The following HDAC9 variants were observed in gnomAD, a reference collection of about 807,000 sequenced individuals.
The protein encoded by HDAC9 is MEF-2 interacting transcription repressor (MITR) protein.
In HDAC9, 41 loss-of-function variants were observed where a neutral mutation model predicts 139.4. That is an observed-to-expected ratio of 0.29 (90% confidence interval 0.23 to 0.38). The LOEUF (loss-of-function observed/expected upper bound fraction) is 0.38, where lower values mean the gene tolerates loss of function less well. Among genes scored for constraint, HDAC9 ranks in the 10% least tolerant of loss-of-function variants. HDAC9 has a pLI of 1.00. For missense variants in HDAC9, 1,147 were observed against 1,297.0 expected (o/e 0.88, Z 1.78); for synonymous variants, 517 against 476.2 (o/e 1.09, Z -1.12).
intron 15 of HDAC9, 97 bp downstream of exon 15, chr7:18,762,374 CA>C: frequency 7.2e-7 from 1 of 1,397,480 alleles, no homozygotes; most frequent in Non-Finnish European, 9.8e-7. Context: ...AGTAGTGCAA[CA>C]AAAAATCAGT....
At chr7:18,908,674 C>G (rs1802486606) in intron 22 of HDAC9, among the ~76,000 whole-genome samples, 2 of 151,952 alleles carry the variant, frequency 1.3e-5, no homozygotes, top group Admixed American at 1.3e-4. Context: ...CATTATTTTA[C>G]TTAACATAAT....
intron 1 of HDAC9, among the ~76,000 whole-genome samples, chr7:18,475,137 A>G (rs1297672608): frequency 6.6e-6 from 1 of 152,108 alleles, no homozygotes; most frequent in Non-Finnish European, 1.5e-5. Context: ...GCTCGGAAGG[A>G]TCTTGTGGTG....
At chr7:18,899,994 G>C (rs1801551505) in intron 22 of HDAC9, among the ~76,000 whole-genome samples, 1 of 151,930 alleles carries the variant, frequency 6.6e-6, no homozygotes, top group Admixed American at 6.6e-5. Flanking sequence ...CTCTGTACAT[G>C]GATTTCAAAC....
At chr7:18,410,225 G>A (rs148881552) in intron 1 of HDAC9, among the ~76,000 whole-genome samples, 4 of 152,298 alleles carry the variant, frequency 2.6e-5, no homozygotes, top group African/African-American at 9.6e-5. Flanking sequence ...CCTATGGTCA[G>A]GGTGATGGAG....
upstream of HDAC9, among the ~76,000 whole-genome samples, chr7:18,288,268 T>C (rs1797583959): frequency 6.6e-6 from 1 of 152,200 alleles, no homozygotes; most frequent in Admixed American, 6.5e-5. Context: ...AAATATCAGA[T>C]CTTATGAGAG....
At chr7:18,788,964 A>G (rs1344887926) in intron 16 of HDAC9, among the ~76,000 whole-genome samples, 1 of 151,992 alleles carries the variant, frequency 6.6e-6, no homozygotes, top group Non-Finnish European at 1.5e-5. Context: ...AATGTATTCT[A>G]TATGTACCCT....
chr7:18,812,055 T>C (rs540733101), intron 17 of HDAC9, among the ~76,000 whole-genome samples: 3 of 152,040 alleles, frequency 2.0e-5, no homozygotes, highest in South Asian at 2.1e-4. Context: ...CTTAATATAA[T>C]GTAAATGTCA....
At chr7:18,683,384 A>C (rs17139615) in intron 12 of HDAC9, among the ~76,000 whole-genome samples, 2,934 of 152,166 alleles carry the variant, frequency 0.019, 106 homozygotes, top group African/African-American at 0.068. Context: ...TCCAGCTTCT[A>C]AGTTGCAGAA....
intron 1 of HDAC9, among the ~76,000 whole-genome samples, chr7:18,458,050 A>G (rs1190000112): frequency 1.3e-5 from 2 of 152,138 alleles, no homozygotes; most frequent in South Asian, 2.1e-4. Context: ...AGGCTGAATC[A>G]TATTTGTTGT....
At chr7:18,314,306 G>A (rs924197077) in intron 1 of HDAC9, among the ~76,000 whole-genome samples, 2 of 152,202 alleles carry the variant, frequency 1.3e-5, no homozygotes, top group Admixed American at 6.5e-5. Context: ...AGGATCTGCA[G>A]TCACTGTTTC....
At chr7:18,216,310 T>C (rs1363563546) in intron 2 of HDAC9, among the ~76,000 whole-genome samples, 1 of 152,222 alleles carries the variant, frequency 6.6e-6, no homozygotes, top group African/African-American at 2.4e-5. Flanking sequence ...CTGAAATCTC[T>C]TATTTTTATT....
At chr7:18,601,557 C>G (rs1458349715) in intron 6 of HDAC9, among the ~76,000 whole-genome samples, 2 of 151,934 alleles carry the variant, frequency 1.3e-5, no homozygotes, top group Non-Finnish European at 2.9e-5. Context: ...TCACCTTGTT[C>G]CCAATGTCAG....
chr7:18,220,114 A>G (rs1274436230), intron 2 of HDAC9, among the ~76,000 whole-genome samples: 1 of 152,230 alleles, frequency 6.6e-6, no homozygotes, highest in South Asian at 2.1e-4. Context: ...TATTCTTAAC[A>G]TAAGTAGTTG....
At chr7:18,120,778 A>G (rs1784319246) in intron 1 of HDAC9, among the ~76,000 whole-genome samples, 1 of 152,200 alleles carries the variant, frequency 6.6e-6, no homozygotes, top group Non-Finnish European at 1.5e-5. Flanking sequence ...TTAGATTAAG[A>G]ATGAGAGCTT....
At chr7:18,554,673 G>A (rs1180521834) in intron 2 of HDAC9, among the ~76,000 whole-genome samples, 1 of 152,140 alleles carries the variant, frequency 6.6e-6, no homozygotes, top group Non-Finnish European at 1.5e-5. Context: ...CTTCTGCTGT[G>A]ACTATCCTCT....
At chr7:18,799,038 AAGACACACACACACAC>A (rs755353404) in intron 17 of HDAC9, among the ~76,000 whole-genome samples, 11,593 of 143,524 alleles carry the variant, frequency 0.081, 581 homozygotes, top group Middle Eastern at 0.1. Flanking sequence ...AATGTGCCCT[AAGACACACACACACAC>A]ACACACACAC....
At chr7:18,534,307 C>G (rs1810108210) in intron 2 of HDAC9, among the ~76,000 whole-genome samples, 1 of 152,174 alleles carries the variant, frequency 6.6e-6, no homozygotes, top group African/African-American at 2.4e-5. Context: ...GTAATGCTAG[C>G]ACTTTGGGAG....
rs187651850 is a variant in HDAC9, at chr7:18,309,421, T to C, written c.-42+18906T>C. ...TAAAATATTTTGACAGATGGGAAAA[T>C]TGTTTCAGTCTGAGTTGAGCAATAC... On this transcript the variant is annotated intron_variant, in intron 1 of 3. Transcript: ENST00000413509. Among the ~76,000 whole-genome samples, 15 of 152,234 alleles carry C rather than the reference T, an allele frequency of 9.9e-5. No individual in the cohort carries two copies. In the East Asian group the frequency reaches 2.7e-3, roughly 27 times the overall value.
intron 1 of HDAC9, among the ~76,000 whole-genome samples, chr7:18,104,542 T>C (rs1783073207): frequency 6.6e-6 from 1 of 152,216 alleles, no homozygotes; most frequent in Admixed American, 6.5e-5. Context: ...CTTTCTACTT[T>C]GCCCGCAGAC....
Sources: allele counts gnomAD v4.1 joint callset (sites outside exome capture counted in the v4.1 genomes callset), GRCh38; gene constraint gnomAD v4.1.1; transcripts MANE v1.5; gene names NCBI Gene and HGNC (gene_info 2026-07-23, HGNC 2026-07-21).